The following DPEP2 variants were observed in gnomAD, a reference collection of about 807,000 sequenced individuals.
DPEP2 encodes dipeptidase 2.
DPEP2 carries 45 observed loss-of-function variants against 51.8 expected under a neutral mutation model. That is an observed-to-expected ratio of 0.87 (90% CI 0.68 to 1.11). The LOEUF (loss-of-function observed/expected upper bound fraction) is 1.11. DPEP2 is among the 50% of genes most tolerant of loss of function. The probability of loss-of-function intolerance (pLI) is 0.00; values close to 1 mark genes in which losing one functional copy is unlikely to be tolerated. For synonymous variants in DPEP2, 255 were observed against 262.7 expected (o/e 0.97, Z 0.28); for missense variants, 604 against 631.9 (o/e 0.96, Z 0.47).
Position 67,987,684 on chromosome 16 carries a change from G to T in DPEP2, c.1283C>A (p.Ser428Tyr). The change falls in exon 11 of 11, where the codon TCC becomes TAC. Residue 428 changes from serine to tyrosine, a missense_variant. Coordinates refer to ENST00000393847, the MANE Select transcript of DPEP2 (RefSeq NM_022355.4). ...TCTCTGACGCAGACGTGAGAGGTCG[G>T]AGTGGCAGGAACTGCTCAGCTGCTC... Reference protein sequence around the residue: ...PDEQLSSSCHSDLSRLRQRQS... With the variant: ...PDEQLSSSCHYDLSRLRQRQS... 1 of 1,614,218 alleles carries T rather than the reference G, an allele frequency of 6.2e-7. No individual in the cohort carries two copies. The highest frequency in any genetic ancestry group is 8.5e-7 in the Non-Finnish European group (1 of 1,180,038).
Position 67,990,885 on chromosome 16 carries a change from T to C in DPEP2, c.845A>G (p.His282Arg). 1 of 1,614,014 alleles carries C rather than the reference T, an allele frequency of 6.2e-7. No homozygotes were observed. The highest frequency in any genetic ancestry group is 8.5e-7 in the Non-Finnish European group (1 of 1,180,002). ...EVSQAPVIFS[H>R]SAARGVCNSA... The stretch of plus-strand genomic sequence containing the variant: ...GTTGCACACACCCCGGGCAGCCGAG[T>C]GGGAGAAGATCACAGGTGCCTGTGA... The change falls in exon 7 of 11, where the codon CAC (histidine) becomes CGC (arginine). Residue 282 changes from histidine to arginine, a missense_variant. Physicochemically the swap from His to Arg is conservative, Grantham distance 29. Transcript: ENST00000393847.
chr16:67,996,999 ATATTATTATTATTAT>A (rs35421512), intron 1 of DPEP2, among the ~76,000 whole-genome samples: 4,352 of 139,090 alleles, frequency 0.031, 208 homozygotes, highest in African/African-American at 0.1. Flanking sequence ...ATAGATAATG[ATATTATTATTATTAT>A]TATTATTATT....
chr16:67,993,218 G>A lies in DPEP2; in HGVS notation c.-6C>T. 1 of 1,436,082 alleles carries A rather than the reference G, an allele frequency of 7.0e-7. No individual in the cohort carries two copies. The highest frequency in any genetic ancestry group is 9.2e-7 in the Non-Finnish European group (1 of 1,090,952). 89.0% of individuals were successfully genotyped at this position (1,436,082 alleles called of 1,614,324 possible). A position where few individuals can be genotyped will look rare whatever the true frequency, so the allele number is the denominator to read the frequency against. The stretch of plus-strand genomic sequence containing the variant: ...TCGAGGCCGGAGGGCTGCATGTTGT[G>A]CAGGGCCGGGCAGGCAGGCAGGGGT... On this transcript the variant is annotated 5_prime_UTR_variant, in exon 2 of 11. Transcript: ENST00000393847.
Position 67,990,078 on chromosome 16 carries a change from G to C in DPEP2, c.963C>G (p.Cys321Trp). ...MVSLSMGVIQ[C>W]NPSANVSTVA... ...CAGTGGACACATTGGCTGATGGGTT[G>C]CACTGTATTACTCCCATGGACAAAG... The change falls in exon 8 of 11, where the codon TGC (cysteine) becomes TGG (tryptophan). Residue 321 changes from cysteine to tryptophan, a missense_variant. Transcript: ENST00000393847. The C allele has an allele frequency of 6.2e-7, 1 of 1,614,206 alleles. No individual in the cohort carries two copies. The highest frequency in any genetic ancestry group is 8.5e-7 in the Non-Finnish European group (1 of 1,180,032).
Position 67,987,586 on chromosome 16 carries a change from A to T in DPEP2, c.1381T>A (p.Ser461Thr), listed in dbSNP as rs2031547346. 39 of 1,614,150 alleles carry T rather than the reference A, an allele frequency of 2.4e-5. No individual in the cohort carries two copies. The highest frequency in any genetic ancestry group is 3.1e-5 in the Non-Finnish European group (36 of 1,180,036). Residue 461 changes from serine to threonine, a missense_variant, in exon 11 of 11, where the codon TCA becomes ACA. By Grantham distance (58) the Ser-to-Thr change is moderately conservative. Transcript: ENST00000393847. ...ATGTGGGGGGAGGACTCTGAGACTG[A>T]CCACTTGGCTGGTAACTTGGCTGTC... The part of the protein sequence containing the change: ...HWTAKLPAKW[S>T]VSESSPHMAP...
In DPEP2 at chr16:67,991,640, A is replaced by G. The variant is rs1362722786; in HGVS notation, c.662+198T>C. Reference sequence around the variant, plus strand: ...TTATCTGTCCGCCTCAGCCTCCCAAAGTTTTGGGATTACAGGCATGAGCCA... The same window carrying G: ...TTATCTGTCCGCCTCAGCCTCCCAAGGTTTTGGGATTACAGGCATGAGCCA... On this transcript the variant is annotated intron_variant, in intron 5 of 10. Transcript: ENST00000393847. This position sits in a 1 kb window ranked among gnomAD's most constrained non-coding sequence, Gnocchi z 5.1. 1 of 766,626 alleles carries G rather than the reference A, an allele frequency of 1.3e-6. No homozygotes were observed. The highest frequency in any genetic ancestry group is 1.8e-5 in the African/African-American group (1 of 56,992). The allele number at this position is 766,626 out of a possible 1,614,324, so 47.5% of individuals were successfully genotyped here. A position where few individuals can be genotyped will look rare whatever the true frequency, so the allele number is the denominator to read the frequency against.
Position 67,991,310 on chromosome 16 carries a change from C to CA in DPEP2, c.663-127dup, listed in dbSNP as rs1350233942. 1.2e-6 allele frequency: 1 copy of CA among 853,906 alleles called. No homozygotes were observed. The highest frequency in any genetic ancestry group is 1.8e-6 in the Non-Finnish European group (1 of 543,262). The allele number at this position is 853,906 out of a possible 1,614,324, so 52.9% of individuals were successfully genotyped here. ...AAACAGGGATCCAAAATGGGCCCTG[C>CA]AAATGGGCCATGCCTGGCAGCAGGA... On this transcript the variant is annotated intron_variant, in intron 5 of 10. Coordinates refer to ENST00000393847, the MANE Select transcript of DPEP2 (RefSeq NM_022355.4). The surrounding 1 kb of genome is among the most constrained non-coding windows in gnomAD (Gnocchi z 5.1).
rs377225048 is a variant in DPEP2, at chr16:67,991,997, A to T, written c.521-18T>A. On this transcript the variant is annotated intron_variant, in intron 4 of 10. Transcript: ENST00000393847. The surrounding 1 kb of genome is among the most constrained non-coding windows in gnomAD (Gnocchi z 5.1). ...GTTCAGAGCTGGGGGCAGGTAGGTC[A>T]GGTGATTACTTTCCAGGGCTGGAGT... is the stretch of plus-strand genomic sequence containing the variant. 9 of 1,613,976 alleles carry T rather than the reference A, an allele frequency of 5.6e-6. No homozygotes were observed. The highest frequency in any genetic ancestry group is 7.6e-6 in the Non-Finnish European group (9 of 1,179,948).
At position 67,987,688 on chromosome 16, in the gene DPEP2, G is replaced by C. The variant is rs756398108; in HGVS notation, c.1279C>G (p.His427Asp). The C allele has an allele frequency of 7.4e-6, 12 of 1,614,070 alleles. No homozygotes were observed. Among genetic ancestry groups the C allele is most frequent in the Non-Finnish European group, 1.0e-5 (12 of 1,180,050 alleles). Residue 427 changes from histidine (H) to aspartate (D), a missense_variant, in exon 11 of 11, where the codon CAC becomes GAC. By Grantham distance (81) the His-to-Asp change is moderately conservative. Coordinates refer to ENST00000393847, the MANE Select transcript of DPEP2 (RefSeq NM_022355.4). ...FPDEQLSSSC[H>D]SDLSRLRQRQ... ...TGACGCAGACGTGAGAGGTCGGAGTGGCAGGAACTGCTCAGCTGCTCATCC... is the reference window on the plus strand; with the variant it reads ...TGACGCAGACGTGAGAGGTCGGAGTCGCAGGAACTGCTCAGCTGCTCATCC...
intron 1 of DPEP2, among the ~76,000 whole-genome samples, chr16:67,997,581 C>T (rs1019429136): frequency 6.6e-6 from 1 of 152,116 alleles, no homozygotes; most frequent in Non-Finnish European, 1.5e-5. Flanking sequence ...TGGTCTTGAT[C>T]TCCCGACCTC....
rs980375997 is a variant in DPEP2 at position 67,994,502 on chromosome 16, T to C, written c.-45-1245A>G. On this transcript the variant is annotated intron_variant, in intron 1 of 10. Transcript: ENST00000393847. ...CTCACAGAAGCCCCACGACCTGAGA[T>C]CTTCCGGGACTGTGGCCAAACCCCT... 5 of 985,358 alleles carry C rather than the reference T, an allele frequency of 5.1e-6. No homozygotes were observed. In the African/African-American group the frequency reaches 8.7e-5, roughly 17 times the overall value. 61.0% of individuals were successfully genotyped at this position (985,358 alleles called of 1,614,324 possible). A position where few individuals can be genotyped will look rare whatever the true frequency, so the allele number is the denominator to read the frequency against.
intron 1 of DPEP2, chr16:67,994,838 G>A: frequency 2.0e-6 from 2 of 985,472 alleles, no homozygotes; most frequent in South Asian, 4.7e-5. Context: ...CCAGGAGGAA[G>A]GCAGATCGAT....
Position 67,988,526 on chromosome 16 carries a change from T to G in DPEP2, c.1071-539A>C, listed in dbSNP as rs1218425566. Among the ~76,000 whole-genome samples, 4 of 150,774 alleles carry G rather than the reference T, an allele frequency of 2.7e-5. No homozygotes were observed. The Admixed American group carries it at 2.7e-4, about 10-fold the overall frequency. On this transcript the variant is annotated intron_variant, in intron 9 of 10. Coordinates refer to ENST00000393847, the MANE Select transcript of DPEP2 (RefSeq NM_022355.4). ...GCTGAGGCAGGAGAATCGCTGGAAC[T>G]CAGGAAGCAGAGGTTGCAGTGAGCC...
intron 1 of DPEP2, among the ~76,000 whole-genome samples, chr16:67,995,312 G>T (rs1428506925): frequency 1.3e-5 from 2 of 152,068 alleles, no homozygotes; most frequent in Non-Finnish European, 2.9e-5. Flanking sequence ...CTCCCAAAGT[G>T]CTGGGAGTAT....
chr16:67,997,892 T>C (rs1432536606), intron 1 of DPEP2, among the ~76,000 whole-genome samples: 1 of 152,318 alleles, frequency 6.6e-6, no homozygotes, highest in African/African-American at 2.4e-5. Flanking sequence ...AGGTCGGCTC[T>C]GGAGTCAGGC....
At chr16:67,996,498 CA>C (rs2032704947) in intron 1 of DPEP2, among the ~76,000 whole-genome samples, 2 of 151,964 alleles carry the variant, frequency 1.3e-5, no homozygotes, top group Admixed American at 1.3e-4. Context: ...TCTCCTGCCT[CA>C]GCCTCCCAAG....
chr16:67,987,488 G>A lies in DPEP2; in HGVS notation c.*18C>T. On this transcript the variant is annotated 3_prime_UTR_variant, in exon 11 of 11. Coordinates refer to ENST00000393847, the MANE Select transcript of DPEP2 (RefSeq NM_022355.4). The stretch of plus-strand genomic sequence containing the variant: ...CTGTGGCTTGCTACAGTGACATCTG[G>A]CAGGACTAACTGGGTCATCAGAGCC... The A allele has an allele frequency of 3.8e-6, 6 of 1,598,622 alleles. No homozygotes were observed. Among genetic ancestry groups the A allele is most frequent in the Non-Finnish European group, 4.3e-6 (5 of 1,167,622 alleles).
At chr16:67,996,678 G>A (rs757208147) in intron 1 of DPEP2, among the ~76,000 whole-genome samples, 3 of 151,888 alleles carry the variant, frequency 2.0e-5, no homozygotes, top group East Asian at 1.9e-4. Context: ...GACCGCACTC[G>A]GCCAACTTTT....
intron 1 of DPEP2, among the ~76,000 whole-genome samples, chr16:67,997,455 C>A (rs564998683): frequency 2.0e-5 from 3 of 152,286 alleles, no homozygotes; most frequent in Non-Finnish European, 4.4e-5. Context: ...CTCCCGGGTT[C>A]AGGCCATTCT....
Sources: allele counts gnomAD v4.1 joint callset (sites outside exome capture counted in the v4.1 genomes callset), GRCh38; gene constraint gnomAD v4.1.1; non-coding constraint Gnocchi (gnomAD v3.1); transcripts MANE v1.5; gene names NCBI Gene and HGNC (gene_info 2026-07-23, HGNC 2026-07-21).